The following CELF2 variants were observed in gnomAD, a reference collection of about 807,000 sequenced individuals.
CELF2 encodes the protein CUG triplet repeat RNA-binding protein 2.
In CELF2, 8 loss-of-function variants were observed where a neutral mutation model predicts 62.6. The observed-to-expected ratio is 0.13, with a 90% CI of 0.07 to 0.23. CELF2 has a LOEUF of 0.23. Among genes scored for constraint, CELF2 ranks in the 10% least tolerant of loss-of-function variants. The pLI, the probability that CELF2 is intolerant of heterozygous loss-of-function variation, is 1.00. For synonymous variants in CELF2, 258 were observed against 250.0 expected, an observed-to-expected ratio of 1.03 and a Z score of -0.30; for missense variants, 333 against 671.0, an observed-to-expected ratio of 0.50 and a Z score of 5.56.
At chr10:11,058,507 C>G (rs1260269845) in intron 1 of CELF2, among the ~76,000 whole-genome samples, 3 of 138,322 alleles carry the variant, frequency 2.2e-5, no homozygotes, top group Non-Finnish European at 4.6e-5. Flanking sequence ...TGTTCTGTCA[C>G]CCAGGCTGGA....
At chr10:10,627,929 G>A in the CELF2 span, among the ~76,000 whole-genome samples, 2 of 152,154 alleles carry the variant, frequency 1.3e-5, no homozygotes, top group Admixed American at 6.5e-5. Context: ...TTGAGATAGA[G>A]TCTCGCTCTG....
the CELF2 span, among the ~76,000 whole-genome samples, chr10:10,746,299 A>C: frequency 6.6e-6 from 1 of 152,176 alleles, no homozygotes; most frequent in African/African-American, 2.4e-5. Flanking sequence ...ACAGACATTA[A>C]AAGTCAGATA....
chr10:11,286,308 C>G (rs1020777592), intron 8 of CELF2, among the ~76,000 whole-genome samples: 1 of 152,248 alleles, frequency 6.6e-6, no homozygotes, highest in East Asian at 1.9e-4. Context: ...TGTCATTAAT[C>G]GGTGCCATAT....
rs1030351517 is a variant in CELF2 at position 11,098,791 on chromosome 10, C to T, written c.75-66695C>T. Reference sequence around the variant, plus strand: ...TGGTTAATTTCTATGAACTGCTGGACAGCTGATTTGACCGAGGCTTCTTGG... The same window carrying T: ...TGGTTAATTTCTATGAACTGCTGGATAGCTGATTTGACCGAGGCTTCTTGG... On this transcript the variant is annotated intron_variant, in intron 1 of 12. Transcript: ENST00000633077. This position sits in a 1 kb window ranked among gnomAD's most constrained non-coding sequence, Gnocchi z 4.0. 6.6e-6 allele frequency among the ~76,000 whole-genome samples: 1 copy of T among 152,164 alleles called. No individual in the cohort carries two copies. The highest frequency in any genetic ancestry group is 1.5e-5 in the Non-Finnish European group (1 of 68,030).
At chr10:10,679,900 G>GAA in the CELF2 span, among the ~76,000 whole-genome samples, 4 of 152,162 alleles carry the variant, frequency 2.6e-5, no homozygotes, top group Non-Finnish European at 4.4e-5. Flanking sequence ...TTGCTGCACT[G>GAA]AACCTTGTGT....
chr10:11,051,434 G>A (rs1156734845), intron 1 of CELF2, among the ~76,000 whole-genome samples: 2 of 152,104 alleles, frequency 1.3e-5, no homozygotes, highest in Non-Finnish European at 2.9e-5. Context: ...ATTCCTTTGA[G>A]TTTGCCTCTC....
rs1180404764 is a variant in CELF2, at chr10:11,242,834, TC to T, written c.355-6315del. Among the ~76,000 whole-genome samples the T allele has an allele frequency of 6.6e-6, 1 of 151,974 alleles. No homozygotes were observed. The highest frequency in any genetic ancestry group is 1.5e-5 in the Non-Finnish European group (1 of 67,988). ...AGGTGGGAGGACCATGGGCTGCTTA[TC>T]CCCAGGAGGTGGGACGAAGGGGGAG... is the stretch of plus-strand genomic sequence containing the variant. On this transcript the variant is annotated intron_variant, in intron 3 of 12. Coordinates refer to ENST00000633077, the MANE Select transcript of CELF2 (RefSeq NM_001326342.2). This position sits in a 1 kb window ranked among gnomAD's most constrained non-coding sequence, Gnocchi z 4.8.
chr10:11,036,313 A>G (rs1309281064), intron 1 of CELF2, among the ~76,000 whole-genome samples: 3 of 152,344 alleles, frequency 2.0e-5, no homozygotes, highest in South Asian at 2.1e-4. Flanking sequence ...TTTAGAGGCT[A>G]TAGCTTCTAC....
At chr10:11,327,986 C>G (rs971577213) in intron 12 of CELF2, among the ~76,000 whole-genome samples, 1 of 152,198 alleles carries the variant, frequency 6.6e-6, no homozygotes, top group Admixed American at 6.5e-5. Flanking sequence ...CCTTTACAGC[C>G]TTGCTATACC....
rs182303858 is a variant in CELF2 at position 10,931,653 on chromosome 10, G to A, written c.89+11654G>A. 1.8e-4 allele frequency among the ~76,000 whole-genome samples: 27 copies of A among 152,260 alleles called. No individual in the cohort carries two copies. The highest frequency in any genetic ancestry group is 5.9e-4 in the Admixed American group (9 of 15,284). On this transcript the variant is annotated intron_variant, in intron 2 of 13. Coordinates refer to the CELF2 transcript ENST00000636488. This position sits in a 1 kb window ranked among gnomAD's most constrained non-coding sequence, Gnocchi z 6.1. Reference sequence around the variant, plus strand: ...GGCTTTCAACGTAATAGGTTTCTGCGTATGGTTTACAAGTTTTTAAAATAC... The same window carrying A: ...GGCTTTCAACGTAATAGGTTTCTGCATATGGTTTACAAGTTTTTAAAATAC...
chr10:11,210,441 A>G (rs1273116581), intron 2 of CELF2, among the ~76,000 whole-genome samples: 1 of 152,214 alleles, frequency 6.6e-6, no homozygotes, highest in African/African-American at 2.4e-5. Flanking sequence ...TTTTTATTTG[A>G]CCAGCTTTGC....
rs1341306877 is a variant in CELF2, at chr10:11,217,721, T to C, written c.354+214T>C. Among the ~76,000 whole-genome samples the C allele has an allele frequency of 6.6e-6, 1 of 152,064 alleles. No individual in the cohort carries two copies. The highest frequency in any genetic ancestry group is 2.4e-5 in the African/African-American group (1 of 41,388). On this transcript the variant is annotated intron_variant, in intron 3 of 12. Transcript: ENST00000633077. The surrounding 1 kb of genome is among the most constrained non-coding windows in gnomAD (Gnocchi z 5.6). ...ACTGACGGGAAGCATTCTCAAATAGTGCATCCCCTGGTTAGAAAATCAGAG... is the reference window on the plus strand; with the variant it reads ...ACTGACGGGAAGCATTCTCAAATAGCGCATCCCCTGGTTAGAAAATCAGAG...
At chr10:10,515,979 G>A in the CELF2 span, among the ~76,000 whole-genome samples, 1 of 152,156 alleles carries the variant, frequency 6.6e-6, no homozygotes, top group African/African-American at 2.4e-5. Flanking sequence ...TTTGATAAGA[G>A]ACGGTAGTAA....
At chr10:10,735,455 C>CA in the CELF2 span, among the ~76,000 whole-genome samples, 4 of 152,158 alleles carry the variant, frequency 2.6e-5, no homozygotes. Flanking sequence ...TTTAGCACCT[C>CA]AGAGAGAGTA....
At chr10:10,758,232 C>T in the CELF2 span, among the ~76,000 whole-genome samples, 1 of 152,158 alleles carries the variant, frequency 6.6e-6, no homozygotes, top group African/African-American at 2.4e-5. Context: ...TGACTGCCGT[C>T]GTGGAAGGGC....
chr10:11,214,110 C>A lies in CELF2; in HGVS notation c.272-3315C>A, dbSNP rs1206042681. Among the ~76,000 whole-genome samples the A allele has an allele frequency of 6.6e-6, 1 of 151,934 alleles. No homozygotes were observed. The highest frequency in any genetic ancestry group is 1.5e-5 in the Non-Finnish European group (1 of 67,982). The stretch of plus-strand genomic sequence containing the variant: ...ACCAGCCTGGGCAACATAGTGGGAC[C>A]CCTATCTCTACAAAAATGTAAAAAG... On this transcript the variant is annotated intron_variant, in intron 2 of 12. Coordinates refer to ENST00000633077, the MANE Select transcript of CELF2 (RefSeq NM_001326342.2). The surrounding 1 kb of genome is among the most constrained non-coding windows in gnomAD (Gnocchi z 4.2).
chr10:10,563,103 A>G, the CELF2 span, among the ~76,000 whole-genome samples: 3 of 152,050 alleles, frequency 2.0e-5, no homozygotes, highest in Non-Finnish European at 4.4e-5. Flanking sequence ...ATGCCATAGG[A>G]TCTCTGGAGG....
At chr10:10,491,797 C>T in the CELF2 span, among the ~76,000 whole-genome samples, 7 of 152,276 alleles carry the variant, frequency 4.6e-5, no homozygotes, top group South Asian at 1.5e-3. Flanking sequence ...TTGTCTATGT[C>T]TTTCTTGTCC....
the CELF2 span, among the ~76,000 whole-genome samples, chr10:10,464,630 TAAC>T: frequency 6.6e-6 from 1 of 152,168 alleles, no homozygotes; most frequent in African/African-American, 2.4e-5. Context: ...CTCTGAGTGT[TAAC>T]AAGATTCTGA....
Sources: gnomAD v4.1 joint callset for allele counts (sites outside exome capture counted in the v4.1 genomes callset) on GRCh38, gnomAD v4.1.1 for gene constraint, Gnocchi (gnomAD v3.1) non-coding constraint, MANE v1.5 for transcripts, NCBI Gene and HGNC (gene_info 2026-07-23, HGNC 2026-07-21) for gene names.